Variants in FSTL5 observed in about 807,000 individuals in gnomAD.
FSTL5 encodes the protein follistatin-related protein 5.
A neutral mutation model predicts 89.1 loss-of-function variants in FSTL5; 62 were observed. The observed-to-expected ratio is 0.70, with a 90% CI of 0.57 to 0.86. FSTL5 has a LOEUF of 0.86. Among genes scored for constraint, FSTL5 ranks in the 40% least tolerant of loss-of-function variants. FSTL5 has a pLI of 0.00. For missense variants in FSTL5, 1,057 were observed against 1,001.6 expected (o/e 1.06, Z -0.75); for synonymous variants, 383 against 346.2 (o/e 1.11, Z -1.18).
At chr4:162,050,164 A>G (rs980055017) in intron 2 of FSTL5, among the ~76,000 whole-genome samples, 2 of 151,856 alleles carry the variant, frequency 1.3e-5, no homozygotes, top group African/African-American at 4.8e-5. Flanking sequence ...AAGTGAATAC[A>G]CAATCTAGAA....
At chr4:161,581,175 T>C (rs1308906543) in intron 8 of FSTL5, among the ~76,000 whole-genome samples, 1 of 152,226 alleles carries the variant, frequency 6.6e-6, no homozygotes, top group East Asian at 1.9e-4. Flanking sequence ...ATCTCCAGAA[T>C]TACCAGAAGG....
intron 1 of FSTL5, among the ~76,000 whole-genome samples, chr4:162,146,639 G>A (rs1458979451): frequency 6.7e-6 from 1 of 149,992 alleles, no homozygotes; most frequent in African/African-American, 2.5e-5. Flanking sequence ...CTTATTCTGA[G>A]TTTCTGTGTT....
At chr4:161,463,780 GCAAAGGATTA>G (rs1733655735) in intron 13 of FSTL5, among the ~76,000 whole-genome samples, 2 of 152,132 alleles carry the variant, frequency 1.3e-5, no homozygotes. Flanking sequence ...CACATGTTAT[GCAAAGGATTA>G]CAAAGAGTCT....
intron 1 of FSTL5, among the ~76,000 whole-genome samples, chr4:162,162,817 A>AGTTCCATT (rs545178704): frequency 4.5e-4 from 68 of 152,316 alleles, no homozygotes; most frequent in African/African-American, 1.5e-3. Context: ...CACACTTCCC[A>AGTTCCATT]GTTCCATTCA....
intron 7 of FSTL5, among the ~76,000 whole-genome samples, chr4:161,628,340 GA>G (rs886430569): frequency 9.2e-5 from 14 of 152,050 alleles, no homozygotes; most frequent in South Asian, 2.1e-4. Flanking sequence ...TAAAAAGCAA[GA>G]AAAAATTGAA....
intron 8 of FSTL5, among the ~76,000 whole-genome samples, chr4:161,571,052 T>C (rs1481364190): frequency 6.6e-6 from 1 of 151,650 alleles, no homozygotes; most frequent in Non-Finnish European, 1.5e-5. Flanking sequence ...GAGGTTTCGG[T>C]GAGCCAAGAT....
At chr4:161,407,288 C>A (rs1469367302) in intron 15 of FSTL5, among the ~76,000 whole-genome samples, 1 of 152,116 alleles carries the variant, frequency 6.6e-6, no homozygotes, top group East Asian at 1.9e-4. Flanking sequence ...AGCAAGATGG[C>A]CAAGTAGATG....
rs1381341667 is a variant in FSTL5, at chr4:161,895,764, GT to G, written c.409+24639del. 7.2e-5 allele frequency among the ~76,000 whole-genome samples: 11 copies of G among 152,224 alleles called. No homozygotes were observed. In the South Asian group the frequency reaches 1.2e-3, roughly 17 times the overall value. ...ATCCTCACAAAAAACCATTAGGATTGTTTTTTGCATATCACAACGTATTTTT... is the reference window on the plus strand; with the variant it reads ...ATCCTCACAAAAAACCATTAGGATTGTTTTTGCATATCACAACGTATTTTT... On this transcript the variant is annotated intron_variant, in intron 4 of 15. Coordinates refer to ENST00000306100, the MANE Select transcript of FSTL5 (RefSeq NM_020116.5).
intron 8 of FSTL5, among the ~76,000 whole-genome samples, chr4:161,552,840 A>G (rs1207309954): frequency 2.0e-5 from 3 of 151,850 alleles, no homozygotes; most frequent in African/African-American, 4.8e-5. Flanking sequence ...CAGGATACAT[A>G]TTATGAAATA....
chr4:161,477,509 C>T (rs973931187), intron 13 of FSTL5, among the ~76,000 whole-genome samples: 1 of 150,784 alleles, frequency 6.6e-6, no homozygotes, highest in Non-Finnish European at 1.5e-5. Context: ...TTTCTATTGT[C>T]TACTTTAGGA....
intron 4 of FSTL5, among the ~76,000 whole-genome samples, chr4:161,817,511 A>G (rs1400023997): frequency 6.6e-6 from 1 of 152,236 alleles, no homozygotes; most frequent in Non-Finnish European, 1.5e-5. Flanking sequence ...ATGGCTCCTC[A>G]GGGTAAATAA....
At chr4:161,404,466 A>G (rs1297370276) in intron 15 of FSTL5, among the ~76,000 whole-genome samples, 1 of 152,192 alleles carries the variant, frequency 6.6e-6, no homozygotes, top group Non-Finnish European at 1.5e-5. Context: ...AACAGGAAGT[A>G]AAGGCTAAGG....
Position 161,531,589 on chromosome 4 carries a change from C to T in FSTL5, c.1312+6577G>A, listed in dbSNP as rs374707206. 7.6e-4 allele frequency among the ~76,000 whole-genome samples: 116 copies of T among 152,184 alleles called. 2 individuals carry two copies. The South Asian group carries it at 0.022, about 29-fold the overall frequency. On this transcript the variant is annotated intron_variant, in intron 10 of 15. Transcript: ENST00000306100. ...AGTATAAATTGACTCAATGTAAAGGCGGACTAAAGTGTAGCTTCTGCTTTG... is the reference window on the plus strand; with the variant it reads ...AGTATAAATTGACTCAATGTAAAGGTGGACTAAAGTGTAGCTTCTGCTTTG...
intron 6 of FSTL5, among the ~76,000 whole-genome samples, chr4:161,735,952 G>T (rs1198303852): frequency 6.6e-6 from 1 of 151,908 alleles, no homozygotes; most frequent in African/African-American, 2.4e-5. Context: ...GAAAGAAAAG[G>T]GAAGAGAAAA....
intron 2 of FSTL5, among the ~76,000 whole-genome samples, chr4:162,088,252 G>T (rs1730400618): frequency 6.6e-6 from 1 of 151,500 alleles, no homozygotes; most frequent in African/African-American, 2.4e-5. Context: ...TAGATTTTTT[G>T]GTGCCTAACA....
Position 161,816,353 on chromosome 4 carries a change from T to C in FSTL5, c.410-40279A>G, listed in dbSNP as rs578007798. ...TTCTTCATTGGGTGAAAAACAATTT[T>C]AAATATGTCACTGATGTTAATGTTT... On this transcript the variant is annotated intron_variant, in intron 4 of 15. Transcript: ENST00000306100. Among the ~76,000 whole-genome samples the C allele has an allele frequency of 3.3e-5, 5 of 152,368 alleles. No individual in the cohort carries two copies. In the East Asian group the frequency reaches 9.6e-4, roughly 29 times the overall value.
At chr4:161,614,050 T>C (rs936871660) in intron 7 of FSTL5, among the ~76,000 whole-genome samples, 1 of 152,162 alleles carries the variant, frequency 6.6e-6, no homozygotes, top group Non-Finnish European at 1.5e-5. Context: ...TTAGAATAGA[T>C]TATTTCTATT....
rs1022653923 is a variant in FSTL5, at chr4:161,455,122, T to C, written c.1723A>G (p.Thr575Ala). The change falls in exon 15 of 16, where the codon ACC becomes GCC. Residue 575 changes from threonine to alanine, a missense_variant. Physicochemically the swap from Thr to Ala is moderately conservative, Grantham distance 58. Transcript: ENST00000306100. ...TGAGGCACATTCCCACTGGCCAGGG[T>C]AATTACCTAAAGAGAACACACCTTG... ...EKTSPTLQVITLASGNVPHHT... is the reference protein window; with the variant it reads ...EKTSPTLQVIALASGNVPHHT... 6.2e-7 allele frequency: 1 copy of C among 1,605,916 alleles called. No individual in the cohort carries two copies. The highest frequency in any genetic ancestry group is 1.7e-5 in the Admixed American group (1 of 58,482).
chr4:161,550,788 G>T (rs1384993538), intron 8 of FSTL5, among the ~76,000 whole-genome samples: 2 of 151,626 alleles, frequency 1.3e-5, no homozygotes, highest in African/African-American at 4.8e-5. Flanking sequence ...CTGTGTCCAT[G>T]TGATCTCATT....
Sources: gnomAD v4.1 joint callset for allele counts (sites outside exome capture counted in the v4.1 genomes callset) on GRCh38, gnomAD v4.1.1 for gene constraint, MANE v1.5 for transcripts, NCBI Gene and HGNC (gene_info 2026-07-23, HGNC 2026-07-21) for gene names.